CRBN: variants seen among roughly 807,000 people sequenced by gnomAD.
CRBN encodes protein cereblon.
CRBN carries 53 observed loss-of-function variants against 62.2 expected under a neutral mutation model. The ratio of observed to expected loss-of-function variants is 0.85; its 90% CI spans 0.68 to 1.07. The LOEUF (loss-of-function observed/expected upper bound fraction) is 1.07, where lower values mean the gene tolerates loss of function less well. Among genes scored for constraint, CRBN ranks in the 50% least tolerant of loss-of-function variants. The pLI, the probability that CRBN is intolerant of heterozygous loss-of-function variation, is 0.00. For missense variants in CRBN, 616 were observed against 531.1 expected (o/e 1.16, Z -1.57); for synonymous variants, 208 against 176.1 (o/e 1.18, Z -1.43).
intron 5 of CRBN, among the ~76,000 whole-genome samples, chr3:3,163,386 C>G (rs1368049220): frequency 6.6e-6 from 1 of 152,188 alleles, no homozygotes; most frequent in Non-Finnish European, 1.5e-5. Context: ...GATCTGAACC[C>G]AGGCAAATAT....
chr3:3,178,195 G>A (rs1199163133), intron 1 of CRBN, among the ~76,000 whole-genome samples: 1 of 152,106 alleles, frequency 6.6e-6, no homozygotes, highest in African/African-American at 2.4e-5. Flanking sequence ...TAATGTCTCT[G>A]AAAAAATAGC....
chr3:3,169,369 T>A (rs776146029), intron 4 of CRBN, among the ~76,000 whole-genome samples: 1 of 152,170 alleles, frequency 6.6e-6, no homozygotes, highest in Non-Finnish European at 1.5e-5. Context: ...ATAATTTATA[T>A]AAATGTTATA....
Position 3,154,969 on chromosome 3 carries a change from A to G in CRBN, c.751-138T>C, listed in dbSNP as rs145716151. On this transcript the variant is annotated intron_variant, in intron 6 of 10. Coordinates refer to ENST00000231948, the MANE Select transcript of CRBN (RefSeq NM_016302.4). ...TCTCAGTCCCAGTTTAAATGCCTCC[A>G]TTTTCGTATGCAGCAATGATCAAGC... is the stretch of plus-strand genomic sequence containing the variant. 2.6e-5 allele frequency: 17 copies of G among 665,250 alleles called. No homozygotes were observed. In the East Asian group the frequency reaches 4.3e-4, roughly 17 times the overall value. 41.2% of individuals were successfully genotyped at this position (665,250 alleles called of 1,614,324 possible).
intron 1 of CRBN, among the ~76,000 whole-genome samples, chr3:3,177,884 G>T (rs183947436): frequency 3.3e-5 from 5 of 152,112 alleles, no homozygotes; most frequent in African/African-American, 1.2e-4. Context: ...GTACTACATG[G>T]AATTATGGAA....
chr3:3,177,196 A>C (rs1707858719), intron 1 of CRBN, among the ~76,000 whole-genome samples: 1 of 152,226 alleles, frequency 6.6e-6, no homozygotes. Context: ...CTCATTTCTC[A>C]CCTCCCAGTT....
At chr3:3,179,130 T>C (rs1292866578) in intron 1 of CRBN, among the ~76,000 whole-genome samples, 2 of 152,118 alleles carry the variant, frequency 1.3e-5, no homozygotes, top group African/African-American at 4.8e-5. Flanking sequence ...GCAAATCCAA[T>C]ACTCGCTTAT....
chr3:3,175,446 T>C (rs895965460), intron 1 of CRBN, among the ~76,000 whole-genome samples, 177 bp from the exon 2 acceptor site: 4 of 6,038 alleles, frequency 6.6e-4, no homozygotes, highest in African/African-American at 6.8e-4. Context: ...CAGTAGCTAT[T>C]TTTTTTTTTT....
In CRBN at chr3:3,176,183, C is replaced by G. The variant is rs558175121; in HGVS notation, c.68-914G>C. 2.1e-3 allele frequency among the ~76,000 whole-genome samples: 322 copies of G among 152,278 alleles called. 2 individuals carry two copies. The highest frequency in any genetic ancestry group is 1.7e-3 in the Non-Finnish European group (116 of 68,024). ...TGGGAGATTTTTCTCTTCTCCCTCA[C>G]CAGTAACTAATTTTAACACCTTAGA... On this transcript the variant is annotated intron_variant, in intron 1 of 10. Coordinates refer to ENST00000231948, the MANE Select transcript of CRBN (RefSeq NM_016302.4).
In CRBN at chr3:3,170,307, G is replaced by A. The variant is rs551080926; in HGVS notation, c.527+2469C>T. Among the ~76,000 whole-genome samples the A allele has an allele frequency of 6.5e-4, 99 of 152,186 alleles. 1 individual carries two copies. The highest frequency in any genetic ancestry group is 2.3e-3 in the African/African-American group (96 of 41,518). ...CTGTAGTGTACTTTTAATAAATGAA[G>A]TGTCATTTAGGTAAAAGATGGATAT... is the stretch of plus-strand genomic sequence containing the variant. On this transcript the variant is annotated intron_variant, in intron 4 of 10. Transcript: ENST00000231948.
intron 5 of CRBN, 165 bp from the exon 6 acceptor site, chr3:3,156,446 A>AAATC (rs1334978872): frequency 3.2e-6 from 2 of 634,272 alleles, no homozygotes; most frequent in Non-Finnish European, 5.6e-6. Context: ...ATGAAGTGTG[A>AAATC]AATCATGCTT....
At chr3:3,172,649 T>C (rs1707667578) in intron 4 of CRBN, 127 bp downstream of exon 4, 1 of 983,302 alleles carries the variant, frequency 1.0e-6, no homozygotes, top group South Asian at 1.3e-5. Flanking sequence ...GGCTATACCT[T>C]AGAAGGGAAA....
intron 5 of CRBN, among the ~76,000 whole-genome samples, chr3:3,166,364 T>C (rs961905802): frequency 6.6e-6 from 1 of 152,178 alleles, no homozygotes; most frequent in Non-Finnish European, 1.5e-5. Flanking sequence ...TCTGCCATGA[T>C]TGTGAGGCCT....
chr3:3,159,522 A>G (rs1445978529), intron 5 of CRBN, among the ~76,000 whole-genome samples: 1 of 152,240 alleles, frequency 6.6e-6, no homozygotes, highest in Non-Finnish European at 1.5e-5. Context: ...TTTCAAGTAT[A>G]AAGAGAATAA....
chr3:3,169,647 AC>A (rs1157493852), intron 4 of CRBN, among the ~76,000 whole-genome samples: 2 of 152,204 alleles, frequency 1.3e-5, no homozygotes, highest in Non-Finnish European at 2.9e-5. Context: ...CAATGGAAAG[AC>A]CTTGGTCTCT....
At chr3:3,177,451 G>A (rs972603918) in intron 1 of CRBN, among the ~76,000 whole-genome samples, 2 of 152,112 alleles carry the variant, frequency 1.3e-5, no homozygotes, top group Non-Finnish European at 2.9e-5. Context: ...ATAGCCAATG[G>A]TCTAACACTT....
rs1220907511 is a variant in CRBN at position 3,150,587 on chromosome 3, C to T, written c.*278G>A. 3 of 301,096 alleles carry T rather than the reference C, an allele frequency of 1.0e-5. No individual in the cohort carries two copies. The highest frequency in any genetic ancestry group is 6.6e-5 in the African/African-American group (3 of 45,680). The allele number at this position is 301,096 out of a possible 1,614,324, so 18.7% of individuals were successfully genotyped here. On this transcript the variant is annotated 3_prime_UTR_variant, in exon 11 of 11. Transcript: ENST00000231948. The stretch of plus-strand genomic sequence containing the variant: ...AGATGTCTTCATGTCCCATCAATGA[C>T]ATGCTACCAGACATATCAGATTCCA...
chr3:3,152,433 A>AG, intron 10 of CRBN, 23 bp downstream of exon 10: 1 of 1,601,568 alleles, frequency 6.2e-7, no homozygotes, highest in Non-Finnish European at 8.5e-7. Flanking sequence ...GAAAAAAAAA[A>AG]GCAACCACCA....
intron 4 of CRBN, among the ~76,000 whole-genome samples, chr3:3,171,628 C>G (rs1360076890): frequency 6.6e-6 from 1 of 152,180 alleles, no homozygotes; most frequent in African/African-American, 2.4e-5. Flanking sequence ...AATCCCATCT[C>G]ACATGCCTCT....
chr3:3,157,557 A>ATG (rs970311349), intron 5 of CRBN, among the ~76,000 whole-genome samples: 2 of 152,156 alleles, frequency 1.3e-5, no homozygotes, highest in African/African-American at 4.8e-5. Flanking sequence ...CATACGCTGA[A>ATG]TGATACTTAC....
Sources: gnomAD v4.1 joint callset for allele counts (sites outside exome capture counted in the v4.1 genomes callset) on GRCh38, gnomAD v4.1.1 for gene constraint, MANE v1.5 for transcripts, NCBI Gene and HGNC (gene_info 2026-07-23, HGNC 2026-07-21) for gene names.